BICC1: variants seen among roughly 807,000 people sequenced by gnomAD.
BICC1 encodes BicC family RNA binding protein 1.
Under a neutral mutation model 111.0 loss-of-function variants are expected in BICC1, and 43 were observed. That is an observed-to-expected ratio of 0.39 (90% CI 0.30 to 0.50). BICC1 has a LOEUF of 0.50. BICC1 is among the 20% of genes least tolerant of loss of function. The pLI, the probability that BICC1 is intolerant of heterozygous loss-of-function variation, is 0.88. For synonymous variants in BICC1, 467 were observed against 434.4 expected (o/e 1.07, Z -0.93); for missense variants, 1,091 against 1,203.2 (o/e 0.91, Z 1.38).
intron 3 of BICC1, among the ~76,000 whole-genome samples, chr10:58,719,845 A>C (rs1840884880): frequency 1.3e-5 from 2 of 152,218 alleles, no homozygotes; most frequent in Non-Finnish European, 2.9e-5. Flanking sequence ...CTTTTGAGAA[A>C]GTAAAAAATG....
Position 58,829,072 on chromosome 10 carries a change from G to A in BICC1, c.*181G>A. The stretch of plus-strand genomic sequence containing the variant: ...AAGAGAGAGAAGATGTTCTTATGAT[G>A]TCATACAGAACACCAAATATGGATT... On this transcript the variant is annotated 3_prime_UTR_variant, in exon 21 of 21. Coordinates refer to ENST00000373886, the MANE Select transcript of BICC1 (RefSeq NM_001080512.3). The A allele has an allele frequency of 1.6e-6, 1 of 627,622 alleles. No individual in the cohort carries two copies. The highest frequency in any genetic ancestry group is 3.1e-5 in the East Asian group (1 of 31,798). 38.9% of individuals were successfully genotyped at this position (627,622 alleles called of 1,614,324 possible). A position where few individuals can be genotyped will look rare whatever the true frequency, so the allele number is the denominator to read the frequency against.
chr10:58,692,121 G>A (rs1415638747), intron 2 of BICC1, among the ~76,000 whole-genome samples: 1 of 152,062 alleles, frequency 6.6e-6, no homozygotes, highest in Non-Finnish European at 1.5e-5. Flanking sequence ...TGGTGATATT[G>A]TTAAAGAAAT....
intron 2 of BICC1, among the ~76,000 whole-genome samples, chr10:58,665,495 C>T (rs960230441): frequency 6.6e-6 from 1 of 152,022 alleles, no homozygotes; most frequent in Non-Finnish European, 1.5e-5. Flanking sequence ...CTTTATCTGC[C>T]TGGGAATACA....
At position 58,727,311 on chromosome 10, in the gene BICC1, G is replaced by A. The variant is rs543834407; in HGVS notation, c.307+25168G>A. Reference sequence around the variant, plus strand: ...AGTTAAAAAATGGTTTTCAGGCTGCGCACAATGGCTCATGCCTATAGTCCC... The same window carrying A: ...AGTTAAAAAATGGTTTTCAGGCTGCACACAATGGCTCATGCCTATAGTCCC... On this transcript the variant is annotated intron_variant, in intron 3 of 20. Coordinates refer to ENST00000373886, the MANE Select transcript of BICC1 (RefSeq NM_001080512.3). Among the ~76,000 whole-genome samples the A allele has an allele frequency of 2.0e-5, 3 of 152,232 alleles. No individual in the cohort carries two copies. In the South Asian group the frequency reaches 6.2e-4, roughly 32 times the overall value.
At chr10:58,738,528 T>G (rs1481277325) in intron 3 of BICC1, among the ~76,000 whole-genome samples, 2 of 152,292 alleles carry the variant, frequency 1.3e-5, no homozygotes, top group East Asian at 3.9e-4. Context: ...GCATGATGCC[T>G]CCAGCTTTGT....
At chr10:58,584,102 T>G (rs1364308830) in intron 1 of BICC1, among the ~76,000 whole-genome samples, 1 of 147,364 alleles carries the variant, frequency 6.8e-6, no homozygotes, top group Non-Finnish European at 1.5e-5. Flanking sequence ...ACACACACAG[T>G]TTTTCAGTAT....
chr10:58,721,554 G>GA (rs916547032), intron 3 of BICC1, among the ~76,000 whole-genome samples: 5 of 151,834 alleles, frequency 3.3e-5, no homozygotes, highest in South Asian at 2.1e-4. Flanking sequence ...TTGTTTTGAG[G>GA]AAAAAAAATA....
intron 1 of BICC1, among the ~76,000 whole-genome samples, chr10:58,592,082 G>A (rs556570626): frequency 9.3e-4 from 141 of 152,058 alleles, no homozygotes; most frequent in African/African-American, 3.3e-3. Context: ...ACTTATCCTT[G>A]CTGCAATGAA....
chr10:58,529,680 T>A (rs1649091), intron 1 of BICC1, among the ~76,000 whole-genome samples: 69,722 of 151,594 alleles, frequency 0.46, 17,093 homozygotes, highest in Admixed American at 0.62. Context: ...TAATTAGAAC[T>A]TTTTATATGG....
chr10:58,512,542 TTGTA>T (rs1423375098), upstream of BICC1, among the ~76,000 whole-genome samples: 1 of 152,028 alleles, frequency 6.6e-6, no homozygotes, highest in Non-Finnish European at 1.5e-5. Context: ...GGGAAGAGAT[TTGTA>T]TGTGTAAGTG....
chr10:58,752,968 A>G (rs1842031949), intron 3 of BICC1, among the ~76,000 whole-genome samples: 1 of 152,022 alleles, frequency 6.6e-6, no homozygotes, highest in South Asian at 2.1e-4. Flanking sequence ...TGCTTCCCAT[A>G]AAGAAAATGT....
chr10:58,742,889 A>T (rs1227298355), intron 3 of BICC1, among the ~76,000 whole-genome samples: 1 of 152,150 alleles, frequency 6.6e-6, no homozygotes, highest in Admixed American at 6.6e-5. Context: ...GTTACTAGAG[A>T]ACTAGCTATT....
intron 17 of BICC1, among the ~76,000 whole-genome samples, chr10:58,812,934 T>A (rs74720591): frequency 0.024 from 3,642 of 152,104 alleles, 148 homozygotes; most frequent in African/African-American, 0.083. Flanking sequence ...ATCTGACATT[T>A]TAGAATGTAA....
chr10:58,783,298 G>A (rs1157607230), intron 3 of BICC1, among the ~76,000 whole-genome samples: 1 of 152,142 alleles, frequency 6.6e-6, no homozygotes, highest in African/African-American at 2.4e-5. Context: ...GAAGCTTGGT[G>A]CACTGTTATT....
At chr10:58,555,431 T>C (rs2131930535) in intron 1 of BICC1, among the ~76,000 whole-genome samples, 1 of 151,390 alleles carries the variant, frequency 6.6e-6, no homozygotes, top group African/African-American at 2.4e-5. Flanking sequence ...TTAGTAGTAC[T>C]GGTGGAAATC....
chr10:58,795,963 C>T (rs1589146915), intron 9 of BICC1, among the ~76,000 whole-genome samples: 1 of 152,068 alleles, frequency 6.6e-6, no homozygotes, highest in South Asian at 2.1e-4. Flanking sequence ...AAAAAGGGAA[C>T]CCAGGTTCCC....
At chr10:58,683,155 C>G (rs1401868770) in intron 2 of BICC1, among the ~76,000 whole-genome samples, 2 of 152,172 alleles carry the variant, frequency 1.3e-5, no homozygotes, top group Non-Finnish European at 2.9e-5. Flanking sequence ...TTCCCCATTT[C>G]TTGTATTTGT....
At chr10:58,735,790 A>G (rs1480034818) in intron 3 of BICC1, among the ~76,000 whole-genome samples, 1 of 152,230 alleles carries the variant, frequency 6.6e-6, no homozygotes, top group African/African-American at 2.4e-5. Flanking sequence ...CTAAATTGTA[A>G]TCAGTTTCTC....
chr10:58,780,126 C>T (rs908618773), intron 3 of BICC1, among the ~76,000 whole-genome samples: 5 of 152,236 alleles, frequency 3.3e-5, no homozygotes, highest in Admixed American at 2.0e-4. Flanking sequence ...AGAAGTAAAG[C>T]GCTTTTGGAA....
Sources: allele counts gnomAD v4.1 joint callset (sites outside exome capture counted in the v4.1 genomes callset), GRCh38; gene constraint gnomAD v4.1.1; transcripts MANE v1.5; gene names NCBI Gene and HGNC (gene_info 2026-07-23, HGNC 2026-07-21).